Variants in KCNIP4 observed in about 807,000 individuals in gnomAD.
KCNIP4 encodes the protein potassium voltage-gated channel interacting protein 4.
A neutral mutation model predicts 34.0 loss-of-function variants in KCNIP4; 12 were observed. The ratio of observed to expected loss-of-function variants is 0.35; its 90% CI spans 0.23 to 0.57. The LOEUF (loss-of-function observed/expected upper bound fraction) is 0.57, where lower values mean the gene tolerates loss of function less well. Ranked by LOEUF, KCNIP4 falls within the 20% of genes least tolerant of loss-of-function variation. The probability of loss-of-function intolerance (pLI) is 0.83; values close to 1 mark genes in which losing one functional copy is unlikely to be tolerated. For synonymous variants in KCNIP4, 124 were observed against 102.2 expected, an observed-to-expected ratio of 1.21 and a Z score of -1.29; for missense variants, 238 against 311.7, an observed-to-expected ratio of 0.76 and a Z score of 1.78.
chr4:21,038,019 T>C (rs1381191736), intron 1 of KCNIP4, among the ~76,000 whole-genome samples: 1 of 152,248 alleles, frequency 6.6e-6, no homozygotes, highest in African/African-American at 2.4e-5. Context: ...AGTCTCGCTC[T>C]GTCGCCCAGG....
intron 1 of KCNIP4, among the ~76,000 whole-genome samples, chr4:21,386,629 C>A (rs1314645560): frequency 6.6e-6 from 1 of 152,166 alleles, no homozygotes; most frequent in Non-Finnish European, 1.5e-5. Context: ...CATTTAGTCC[C>A]AGCCTTACAA....
chr4:20,878,580 A>G (rs1337847787), intron 2 of KCNIP4, among the ~76,000 whole-genome samples: 1 of 152,174 alleles, frequency 6.6e-6, no homozygotes, highest in East Asian at 1.9e-4. Context: ...AGCTCCAGGA[A>G]GGTAGTAAAC....
At chr4:21,607,854 G>A (rs1743835731) in intron 1 of KCNIP4, among the ~76,000 whole-genome samples, 1 of 152,042 alleles carries the variant, frequency 6.6e-6, no homozygotes, top group Admixed American at 6.6e-5. Context: ...TAGCACAGCT[G>A]GTGGACTCTC....
At chr4:21,113,148 A>T (rs962924766) in intron 1 of KCNIP4, among the ~76,000 whole-genome samples, 31 of 152,352 alleles carry the variant, frequency 2.0e-4, no homozygotes, top group African/African-American at 7.5e-4. Context: ...TACAGCAGGG[A>T]GATGAGGCTT....
chr4:21,890,006 T>C (rs1727001745), intron 1 of KCNIP4, among the ~76,000 whole-genome samples: 1 of 152,144 alleles, frequency 6.6e-6, no homozygotes, highest in Admixed American at 6.6e-5. Flanking sequence ...GGTGGTGGTA[T>C]TGGCGATGGA....
At chr4:21,661,351 TC>T (rs1324797442) in intron 1 of KCNIP4, among the ~76,000 whole-genome samples, 1 of 152,076 alleles carries the variant, frequency 6.6e-6, no homozygotes, top group African/African-American at 2.4e-5. Flanking sequence ...CACTGACTCT[TC>T]ACTGAGCCGC....
intron 1 of KCNIP4, among the ~76,000 whole-genome samples, chr4:20,917,350 C>T (rs1728954417): frequency 6.6e-6 from 1 of 151,700 alleles, no homozygotes; most frequent in African/African-American, 2.4e-5. Context: ...TTTTGAATGA[C>T]TCTTACTTCA....
At chr4:21,305,887 G>A (rs781360543) in intron 1 of KCNIP4, among the ~76,000 whole-genome samples, 13 of 152,064 alleles carry the variant, frequency 8.5e-5, no homozygotes, top group East Asian at 3.9e-4. Flanking sequence ...GTGTTTTTAC[G>A]GTACTTTTCC....
intron 1 of KCNIP4, among the ~76,000 whole-genome samples, chr4:21,385,494 T>C (rs1379219297): frequency 6.6e-6 from 1 of 152,176 alleles, no homozygotes; most frequent in Non-Finnish European, 1.5e-5. Context: ...TTCCACTTCC[T>C]AAGTTAAGGG....
chr4:20,730,156 A>G, intron 8 of KCNIP4, 27 bp from the exon 9 acceptor site: 2 of 1,591,188 alleles, frequency 1.3e-6, no homozygotes, highest in Non-Finnish European at 8.5e-7. Context: ...CAGAGCGATT[A>G]AATTCAGCAT....
intron 1 of KCNIP4, among the ~76,000 whole-genome samples, chr4:21,578,466 CAT>C (rs1740932989): frequency 6.6e-6 from 1 of 150,592 alleles, no homozygotes; most frequent in East Asian, 2.0e-4. Flanking sequence ...TGTTTCCAGA[CAT>C]ATGACAAAAC....
At chr4:21,535,725 G>C (rs1263179558) in intron 1 of KCNIP4, among the ~76,000 whole-genome samples, 4 of 152,130 alleles carry the variant, frequency 2.6e-5, no homozygotes, top group Non-Finnish European at 5.9e-5. Context: ...GTGCTCCATA[G>C]TTTATGTTAT....
At chr4:21,174,963 G>A (rs976735273) in intron 1 of KCNIP4, among the ~76,000 whole-genome samples, 4 of 151,136 alleles carry the variant, frequency 2.6e-5, no homozygotes, top group African/African-American at 9.7e-5. Flanking sequence ...TTTTCAGCAA[G>A]CTTTTTAAAA....
chr4:21,340,698 C>T (rs1716672586), intron 1 of KCNIP4, among the ~76,000 whole-genome samples: 1 of 151,932 alleles, frequency 6.6e-6, no homozygotes, highest in African/African-American at 2.4e-5. Context: ...AGGTATATTT[C>T]TAGTTTTCAG....
chr4:21,533,614 T>A (rs372110471), intron 1 of KCNIP4, among the ~76,000 whole-genome samples: 2 of 152,166 alleles, frequency 1.3e-5, no homozygotes, highest in African/African-American at 4.8e-5. Flanking sequence ...AATTTATTTG[T>A]GGGGTAAGTA....
intron 1 of KCNIP4, among the ~76,000 whole-genome samples, chr4:21,427,622 C>G (rs552193981): frequency 6.6e-6 from 1 of 152,102 alleles, no homozygotes; most frequent in Non-Finnish European, 1.5e-5. Flanking sequence ...CAATGGTGCT[C>G]AATTATGAGG....
chr4:20,915,753 G>A (rs1342422631), intron 1 of KCNIP4, among the ~76,000 whole-genome samples: 1 of 152,034 alleles, frequency 6.6e-6, no homozygotes, highest in Non-Finnish European at 1.5e-5. Flanking sequence ...GTGAAGAAAT[G>A]TTTTATGATT....
chr4:21,517,531 C>T (rs756807638), intron 1 of KCNIP4, among the ~76,000 whole-genome samples: 4 of 152,046 alleles, frequency 2.6e-5, no homozygotes, highest in East Asian at 3.9e-4. Flanking sequence ...GAAATAAAAC[C>T]GTCTTGTGTT....
rs1157389642 is a variant in KCNIP4, at chr4:21,528,800, AAAGGAAGGAAGG to A, written c.61+419759_61+419770del. On this transcript the variant is annotated intron_variant, in intron 1 of 8. Transcript: ENST00000382152. ...GAAAGGAAGAAAGGAAGAAAGGAAGAAAGGAAGGAAGGAAGGAAGGAAGGAAGGAAGGAAGGA... is the reference window on the plus strand; with the variant it reads ...GAAAGGAAGAAAGGAAGAAAGGAAGAAAGGAAGGAAGGAAGGAAGGAAGGA... Among the ~76,000 whole-genome samples the A allele has an allele frequency of 4.8e-4, 12 of 25,080 alleles. 2 individuals carry two copies. The highest frequency in any genetic ancestry group is 1.6e-3 in the African/African-American group (10 of 6,400). 16.5% of individuals were successfully genotyped at this position (25,080 alleles called of 152,430 possible).
Sources: gnomAD v4.1 joint callset for allele counts (sites outside exome capture counted in the v4.1 genomes callset) on GRCh38, gnomAD v4.1.1 for gene constraint, MANE v1.5 for transcripts, NCBI Gene and HGNC (gene_info 2026-07-23, HGNC 2026-07-21) for gene names.